IPO11: variants seen among roughly 807,000 people sequenced by gnomAD.
The protein encoded by IPO11 is importin 11, also known as importin-11.
A neutral mutation model predicts 143.2 loss-of-function variants in IPO11; 66 were observed. The observed-to-expected ratio is 0.46, with a 90% confidence interval of 0.38 to 0.57. IPO11 has a LOEUF of 0.57. Ranked by LOEUF, IPO11 falls within the 20% of genes least tolerant of loss-of-function variation. IPO11 has a pLI of 0.00. For synonymous variants in IPO11, 385 were observed against 377.8 expected, an observed-to-expected ratio of 1.02 and a Z score of -0.22; for missense variants, 1,026 against 1,141.0, an observed-to-expected ratio of 0.90 and a Z score of 1.45.
At chr5:62,471,790 T>C (rs760348673) in intron 7 of IPO11, among the ~76,000 whole-genome samples, 19 of 152,250 alleles carry the variant, frequency 1.2e-4, no homozygotes, top group Non-Finnish European at 2.5e-4. Flanking sequence ...TCTTATAATG[T>C]ACTTACACAA....
At chr5:62,437,153 A>T (rs1744273635) in intron 1 of IPO11, 121 bp from the exon 2 acceptor site, 8 of 641,698 alleles carry the variant, frequency 1.2e-5, no homozygotes, top group South Asian at 9.6e-5. Flanking sequence ...AAGGCAGAAC[A>T]TGAAGGATTA....
chr5:62,561,326 A>G lies in IPO11; in HGVS notation c.2582+69A>G, dbSNP rs1249492132. The G allele has an allele frequency of 1.1e-5, 7 of 654,222 alleles. No individual in the cohort carries two copies. The Admixed American group carries it at 3.1e-4, about 29-fold the overall frequency. 40.5% of individuals were successfully genotyped at this position (654,222 alleles called of 1,614,324 possible). ...AATGTAAACACTATTTTTGGCCATC[A>G]GTATTGCTGTGTGTTGCTGGGCAGT... is the stretch of plus-strand genomic sequence containing the variant. On this transcript the variant is annotated intron_variant, in intron 27 of 29. Coordinates refer to ENST00000325324, the MANE Select transcript of IPO11 (RefSeq NM_016338.5).
At chr5:62,582,508 T>G (rs192062708) in intron 27 of IPO11, among the ~76,000 whole-genome samples, 1 of 152,190 alleles carries the variant, frequency 6.6e-6, no homozygotes, top group Non-Finnish European at 1.5e-5. Flanking sequence ...CATGGAAATA[T>G]ATATCATGCA....
intron 25 of IPO11, among the ~76,000 whole-genome samples, 171 bp downstream of exon 25, chr5:62,550,633 G>A (rs1047437118): frequency 1.3e-5 from 2 of 152,186 alleles, no homozygotes; most frequent in African/African-American, 4.8e-5. Flanking sequence ...ACACAGGGAA[G>A]CATAGATTTT....
At chr5:62,479,462 A>T (rs1257233962) in intron 9 of IPO11, among the ~76,000 whole-genome samples, 1 of 152,176 alleles carries the variant, frequency 6.6e-6, no homozygotes, top group Non-Finnish European at 1.5e-5. Flanking sequence ...CAGTAATGGG[A>T]TGGCTGGGTC....
At chr5:62,555,639 G>A (rs928051170) in intron 26 of IPO11, among the ~76,000 whole-genome samples, 4 of 151,902 alleles carry the variant, frequency 2.6e-5, no homozygotes, top group African/African-American at 9.7e-5. Context: ...AAGTAGCTGC[G>A]ACTACAGGTG....
chr5:62,584,330 T>C (rs994543191), intron 27 of IPO11, among the ~76,000 whole-genome samples: 11 of 152,022 alleles, frequency 7.2e-5, no homozygotes, highest in African/African-American at 2.7e-4. Flanking sequence ...GGCACGGTGA[T>C]TCACACCAGT....
intron 29 of IPO11, among the ~76,000 whole-genome samples, chr5:62,608,838 A>G (rs1745827191): frequency 6.6e-6 from 1 of 152,226 alleles, no homozygotes; most frequent in South Asian, 2.1e-4. Flanking sequence ...TAATAAATGT[A>G]TAACGATGTG....
chr5:62,495,848 C>A (rs1741123636), intron 16 of IPO11, among the ~76,000 whole-genome samples: 1 of 152,130 alleles, frequency 6.6e-6, no homozygotes, highest in Non-Finnish European at 1.5e-5. Flanking sequence ...TTATTTCAGC[C>A]AGCACCTTAA....
At chr5:62,575,159 C>T (rs866010116) in intron 27 of IPO11, among the ~76,000 whole-genome samples, 2 of 152,136 alleles carry the variant, frequency 1.3e-5, no homozygotes, top group South Asian at 2.1e-4. Context: ...AAATTTTACA[C>T]GGATATCATA....
chr5:62,580,764 TC>T, intron 27 of IPO11: 1 of 1,551,464 alleles, frequency 6.4e-7, no homozygotes, highest in Non-Finnish European at 8.7e-7. Flanking sequence ...CAAATGGCAG[TC>T]CTCTGGAAAA....
intron 27 of IPO11, among the ~76,000 whole-genome samples, chr5:62,571,318 A>G (rs1044872809): frequency 6.6e-6 from 1 of 152,174 alleles, no homozygotes. Flanking sequence ...GTGAAGTTGG[A>G]CCAGTTTTCT....
At chr5:62,417,989 ATTAT>A (rs371980862) in intron 1 of IPO11, among the ~76,000 whole-genome samples, 2 of 151,950 alleles carry the variant, frequency 1.3e-5, no homozygotes, top group Non-Finnish European at 2.9e-5. Context: ...CCAACTAGCC[ATTAT>A]TTATTTATTT....
intron 1 of IPO11, among the ~76,000 whole-genome samples, chr5:62,424,893 A>T (rs1300795748): frequency 1.3e-5 from 2 of 152,144 alleles, no homozygotes; most frequent in African/African-American, 4.8e-5. Context: ...TATTTTTAAA[A>T]ATTACTTCAT....
chr5:62,577,863 A>G (rs1363004665), intron 27 of IPO11, among the ~76,000 whole-genome samples: 1 of 152,108 alleles, frequency 6.6e-6, no homozygotes, highest in East Asian at 1.9e-4. Context: ...ATATAACTTG[A>G]TATTTTAGGA....
intron 20 of IPO11, among the ~76,000 whole-genome samples, chr5:62,519,165 G>C (rs1209129926): frequency 2.6e-5 from 4 of 152,066 alleles, no homozygotes; most frequent in African/African-American, 9.7e-5. Flanking sequence ...CAATGAGAGT[G>C]GTAAAGGTGT....
intron 27 of IPO11, chr5:62,580,848 T>C (rs1334837256): frequency 6.4e-7 from 1 of 1,551,414 alleles, no homozygotes; most frequent in South Asian, 1.2e-5. Flanking sequence ...TTCAAGAGAA[T>C]GCCTTTGGTA....
At chr5:62,579,780 T>A in intron 27 of IPO11, 4 of 1,542,872 alleles carry the variant, frequency 2.6e-6, no homozygotes, top group Non-Finnish European at 3.5e-6. Flanking sequence ...ATTTTCTATT[T>A]CTAAATAATA....
At chr5:62,553,420 G>A (rs1331298258) in intron 26 of IPO11, among the ~76,000 whole-genome samples, 1 of 151,478 alleles carries the variant, frequency 6.6e-6, no homozygotes, top group African/African-American at 2.4e-5. Context: ...TCCATATCTT[G>A]GCTATTCTGA....
Sources: allele counts gnomAD v4.1 joint callset (sites outside exome capture counted in the v4.1 genomes callset), GRCh38; gene constraint gnomAD v4.1.1; transcripts MANE v1.5; gene names NCBI Gene and HGNC (gene_info 2026-07-23, HGNC 2026-07-21).